Variants in AHI1 observed in about 807,000 individuals in gnomAD.
The protein encoded by AHI1 is Abelson helper integration site 1.
In AHI1, 123 loss-of-function variants were observed where a neutral mutation model predicts 149.3. That is an observed-to-expected ratio of 0.82 (90% CI 0.71 to 0.96). The LOEUF (loss-of-function observed/expected upper bound fraction) is 0.96. Among genes scored for constraint, AHI1 ranks in the 40% least tolerant of loss-of-function variants. The probability of loss-of-function intolerance (pLI) is 0.00; values close to 1 mark genes in which losing one functional copy is unlikely to be tolerated. For missense variants in AHI1, 1,439 were observed against 1,422.7 expected, an observed-to-expected ratio of 1.01 and a Z score of -0.18; for synonymous variants, 475 against 459.8, an observed-to-expected ratio of 1.03 and a Z score of -0.42.
chr6:135,335,693 G>A (rs1413167218), intron 24 of AHI1, among the ~76,000 whole-genome samples: 1 of 152,080 alleles, frequency 6.6e-6, no homozygotes, highest in Non-Finnish European at 1.5e-5. Context: ...TTAATGAACT[G>A]TAAGCTGTAA....
chr6:135,319,907 G>A (rs192294271), intron 25 of AHI1, among the ~76,000 whole-genome samples: 4 of 152,198 alleles, frequency 2.6e-5, no homozygotes, highest in East Asian at 3.9e-4. Flanking sequence ...GTGGGAGTAC[G>A]AACTTCTTTT....
intron 20 of AHI1, among the ~76,000 whole-genome samples, chr6:135,415,473 CTGT>C (rs1163974882): frequency 6.6e-6 from 1 of 152,190 alleles, no homozygotes; most frequent in Non-Finnish European, 1.5e-5. Context: ...TCTCCAGCAC[CTGT>C]TGTTTCCTGA....
At chr6:135,368,066 A>C (rs929752220) in intron 23 of AHI1, among the ~76,000 whole-genome samples, 11 of 152,130 alleles carry the variant, frequency 7.2e-5, no homozygotes, top group Non-Finnish European at 1.5e-4. Flanking sequence ...TGCTCTCCCC[A>C]TTCCCCTAAG....
At chr6:135,414,118 A>G (rs1435413804) in intron 20 of AHI1, among the ~76,000 whole-genome samples, 1 of 152,344 alleles carries the variant, frequency 6.6e-6, no homozygotes, top group Non-Finnish European at 1.5e-5. Context: ...CTACTGGCAT[A>G]AAGATAAATA....
intron 3 of AHI1, chr6:135,492,693 T>C (rs1414762612): frequency 1.1e-5 from 11 of 985,312 alleles, no homozygotes; most frequent in Non-Finnish European, 1.3e-5. Context: ...CATTAAAGCA[T>C]GCTTGTGGGT....
intron 22 of AHI1, among the ~76,000 whole-genome samples, chr6:135,397,821 C>A (rs1226650679): frequency 6.6e-6 from 1 of 152,032 alleles, no homozygotes; most frequent in Non-Finnish European, 1.5e-5. Context: ...ACGCTACATT[C>A]ACCTGAAGAA....
chr6:135,402,057 A>C (rs1053250139), intron 22 of AHI1, among the ~76,000 whole-genome samples: 9 of 152,184 alleles, frequency 5.9e-5, no homozygotes, highest in African/African-American at 2.2e-4. Flanking sequence ...AAAAAGTACA[A>C]ATGGCATATA....
intron 27 of AHI1, 117 bp from the exon 28 acceptor site, chr6:135,290,642 G>C: frequency 2.2e-6 from 2 of 925,950 alleles, no homozygotes; most frequent in Non-Finnish European, 3.4e-6. Context: ...ATAAATGTGA[G>C]GATATGACAG....
At position 135,458,804 on chromosome 6, in the gene AHI1, T is replaced by A. The variant is rs540057390; in HGVS notation, c.932-1091A>T. On this transcript the variant is annotated intron_variant, in intron 8 of 28. Transcript: ENST00000265602. ...TTTGAAGCAGCATGAGACAGAAGAC[T>A]AAATGGCTAAGTGGAAAAGCACTGA... Among the ~76,000 whole-genome samples, 7 of 152,250 alleles carry A rather than the reference T, an allele frequency of 4.6e-5. No individual in the cohort carries two copies. The East Asian group carries it at 1.4e-3, about 29-fold the overall frequency.
intron 24 of AHI1, among the ~76,000 whole-genome samples, chr6:135,344,380 A>G (rs1790842132): frequency 6.6e-6 from 1 of 150,968 alleles, no homozygotes; most frequent in East Asian, 1.9e-4. Context: ...ATATATTTAC[A>G]TTAAAAATTT....
chr6:135,403,652 T>C (rs1195406338), intron 22 of AHI1, among the ~76,000 whole-genome samples: 1 of 152,180 alleles, frequency 6.6e-6, no homozygotes, highest in African/African-American at 2.4e-5. Context: ...AAATAAATTG[T>C]ATTTTTGCCT....
At chr6:135,437,054 A>T (rs1034569916) in intron 15 of AHI1, among the ~76,000 whole-genome samples, 1 of 152,254 alleles carries the variant, frequency 6.6e-6, no homozygotes, top group Non-Finnish European at 1.5e-5. Flanking sequence ...CTTTGTTAAA[A>T]GAGATGGACA....
chr6:135,399,731 C>T (rs745526417), intron 22 of AHI1, among the ~76,000 whole-genome samples: 1 of 151,360 alleles, frequency 6.6e-6, no homozygotes, highest in African/African-American at 2.4e-5. Flanking sequence ...TAACCTTTGC[C>T]CCACTGTTTA....
chr6:135,419,478 T>C (rs1480370535), intron 20 of AHI1, among the ~76,000 whole-genome samples: 29 of 151,880 alleles, frequency 1.9e-4, no homozygotes. Flanking sequence ...ACTACTGCAA[T>C]AAAGCATATA....
Position 135,433,081 on chromosome 6 carries a change from G to A in AHI1, c.2212C>T (p.Arg738Ter), listed in dbSNP as rs372659908. ...EMREDSAILV[R>*]QFDVHKSFIN... Reference sequence around the variant, plus strand: ...AAACTTTTGTGAACATCAAACTGTCGGACCAATATGGCAGAATCTTCTCTC... The same window carrying A: ...AAACTTTTGTGAACATCAAACTGTCAGACCAATATGGCAGAATCTTCTCTC... Residue 738 changes from arginine (R) to a stop codon, truncating the protein, a stop_gained, in exon 16 of 29, where the codon CGA becomes TGA. Transcript: ENST00000265602. LOFTEE classifies it high-confidence loss of function. 82 of 1,613,448 alleles carry A rather than the reference G, an allele frequency of 5.1e-5. No homozygotes were observed. The highest frequency in any genetic ancestry group is 6.6e-5 in the Non-Finnish European group (78 of 1,179,672).
At chr6:135,363,163 G>T (rs976120093) in intron 23 of AHI1, among the ~76,000 whole-genome samples, 1 of 151,454 alleles carries the variant, frequency 6.6e-6, no homozygotes, top group Admixed American at 6.6e-5. Context: ...GTGAACAAAG[G>T]TCTCTGGTTT....
At position 135,352,821 on chromosome 6, in the gene AHI1, T is replaced by C. The variant is rs531900098; in HGVS notation, c.3165+5311A>G. Among the ~76,000 whole-genome samples the C allele has an allele frequency of 1.0e-4, 15 of 150,388 alleles. No homozygotes were observed. In the East Asian group the frequency reaches 2.7e-3, roughly 27 times the overall value. On this transcript the variant is annotated intron_variant, in intron 24 of 28. Coordinates refer to ENST00000265602, the MANE Select transcript of AHI1 (RefSeq NM_001134831.2). ...AACCATGTTTTGTGGGTTTTTTTTTTTTTTGGTATTTCTACTTTTCCCATA... is the reference window on the plus strand; with the variant it reads ...AACCATGTTTTGTGGGTTTTTTTTTCTTTTGGTATTTCTACTTTTCCCATA...
rs748654591 is a variant in AHI1, at chr6:135,447,029, C to T, written c.1758G>A (p.Lys586=). ...TCACCTGCCCAGGGAGTCGTTTCCA[C>T]TTTATTACTTCCTTTGACTCTTCTA... is the stretch of plus-strand genomic sequence containing the variant. ...PGLEESKEVI[K]WKRLPGQACR... is the part of the protein sequence containing the mutation. Residue 586 remains lysine, a synonymous_variant, in exon 13 of 29, where the codon AAG becomes AAA. Coordinates refer to ENST00000265602, the MANE Select transcript of AHI1 (RefSeq NM_001134831.2). 6.2e-7 allele frequency: 1 copy of T among 1,611,810 alleles called. No homozygotes were observed. Among genetic ancestry groups the T allele is most frequent in the South Asian group, 1.1e-5 (1 of 90,536 alleles).
chr6:135,370,598 CTGTT>C (rs369060786), intron 23 of AHI1, among the ~76,000 whole-genome samples: 6 of 152,318 alleles, frequency 3.9e-5, no homozygotes, highest in African/African-American at 1.4e-4. Context: ...ATTTAAGTGA[CTGTT>C]TGTCTTTACT....
Sources: gnomAD v4.1 joint callset for allele counts (sites outside exome capture counted in the v4.1 genomes callset) on GRCh38, gnomAD v4.1.1 for gene constraint, MANE v1.5 for transcripts, NCBI Gene and HGNC (gene_info 2026-07-23, HGNC 2026-07-21) for gene names.